TTC28: variants seen among roughly 807,000 people sequenced by gnomAD.
TTC28 encodes the protein tetratricopeptide repeat protein 28.
Under a neutral mutation model 198.0 loss-of-function variants are expected in TTC28, and 61 were observed. That is an observed-to-expected ratio of 0.31 (90% CI 0.25 to 0.38). TTC28 has a LOEUF of 0.38. Ranked by LOEUF, TTC28 falls within the 10% of genes least tolerant of loss-of-function variation. The probability of loss-of-function intolerance (pLI) is 1.00; values close to 1 mark genes in which losing one functional copy is unlikely to be tolerated. For missense variants in TTC28, 2,678 were observed against 3,164.0 expected (o/e 0.85, Z 3.69); for synonymous variants, 1,171 against 1,297.8 (o/e 0.90, Z 2.10).
intron 2 of TTC28, among the ~76,000 whole-genome samples, chr22:28,438,128 T>G (rs2047551770): frequency 6.6e-6 from 1 of 152,198 alleles, no homozygotes; most frequent in Admixed American, 6.5e-5. Context: ...ACAATACTTA[T>G]TTTTAAAGTC....
At position 28,489,314 on chromosome 22, in the gene TTC28, A is replaced by C. The variant is rs540962344; in HGVS notation, c.381+140238T>G. 4.1e-3 allele frequency among the ~76,000 whole-genome samples: 617 copies of C among 151,794 alleles called. 4 individuals carry two copies. The highest frequency in any genetic ancestry group is 0.014 in the Middle Eastern group (4 of 294). On this transcript the variant is annotated intron_variant, in intron 2 of 22. Transcript: ENST00000397906. ...AACAAATTAAAAATTAAAAAAAAAA[A>C]ACACACACATTACTCTGCCTCCATA...
At chr22:27,992,773 CAGA>C in intron 18 of TTC28, 110 bp from the exon 19 acceptor site, 4 of 1,013,170 alleles carry the variant, frequency 3.9e-6, no homozygotes, top group Non-Finnish European at 5.8e-6. Context: ...TGGCATTTTT[CAGA>C]AGCTCAGCAC....
intron 5 of TTC28, among the ~76,000 whole-genome samples, chr22:28,178,478 CGGGGGAGGGGA>C (rs1923388378): frequency 1.3e-5 from 2 of 149,334 alleles, no homozygotes; most frequent in Admixed American, 6.7e-5. Context: ...GGGAGAGGAA[CGGGGGAGGGGA>C]GGGGGAGGTA....
intron 6 of TTC28, among the ~76,000 whole-genome samples, chr22:28,154,321 ATTTTT>A (rs10537660): frequency 7.1e-4 from 97 of 137,394 alleles, no homozygotes; most frequent in African/African-American, 2.4e-3. Context: ...AAAGATGGCC[ATTTTT>A]TTTTTTTTCT....
rs549412853 is a variant in TTC28 at position 28,200,575 on chromosome 22, T to C, written c.934-36976A>G. ...TCCTAGCTACAGAGATCAACCACCA[T>C]AGTTGGGAAAGAAAAGTTTAGAACT... On this transcript the variant is annotated intron_variant, in intron 5 of 22. Transcript: ENST00000397906. Among the ~76,000 whole-genome samples the C allele has an allele frequency of 3.9e-5, 6 of 151,940 alleles. No individual in the cohort carries two copies. In the South Asian group the frequency reaches 8.3e-4, roughly 21 times the overall value.
intron 2 of TTC28, among the ~76,000 whole-genome samples, chr22:28,450,282 A>G (rs1338019294): frequency 6.6e-6 from 1 of 152,168 alleles, no homozygotes; most frequent in East Asian, 1.9e-4. Flanking sequence ...GTCTTGAGCA[A>G]TACCATACTT....
At chr22:28,386,109 T>C (rs1254405150) in intron 2 of TTC28, among the ~76,000 whole-genome samples, 1 of 150,534 alleles carries the variant, frequency 6.6e-6, no homozygotes. Context: ...ACCCCGTCTC[T>C]ACTAAAACTA....
chr22:28,389,758 G>C (rs901966779), intron 2 of TTC28, among the ~76,000 whole-genome samples: 4 of 148,484 alleles, frequency 2.7e-5, no homozygotes, highest in African/African-American at 9.8e-5. Context: ...TCTTGCTAGT[G>C]GTCTATCAAT....
At chr22:28,162,133 G>A (rs768873855) in intron 6 of TTC28, among the ~76,000 whole-genome samples, 8 of 152,092 alleles carry the variant, frequency 5.3e-5, no homozygotes, top group Non-Finnish European at 1.2e-4. Flanking sequence ...TGAATACAGG[G>A]ATAAGATAAT....
intron 12 of TTC28, among the ~76,000 whole-genome samples, chr22:28,058,300 T>A (rs1940374804): frequency 6.6e-6 from 1 of 152,122 alleles, no homozygotes; most frequent in South Asian, 2.1e-4. Context: ...CTGCTAAGCC[T>A]TGGGCATTTC....
chr22:28,298,356 T>C (rs1421319345), intron 3 of TTC28, among the ~76,000 whole-genome samples: 1 of 152,226 alleles, frequency 6.6e-6, no homozygotes, highest in East Asian at 1.9e-4. Flanking sequence ...AAGACTGCTA[T>C]AGGACTACTG....
Position 28,297,624 on chromosome 22 carries a change from C to A in TTC28, c.758G>T (p.Ser253Ile). The change falls in exon 4 of 23, where the codon AGC (serine) becomes ATC (isoleucine). Residue 253 changes from serine to isoleucine, a missense_variant. Physicochemically the swap from Ser to Ile is moderately radical, Grantham distance 142 (BLOSUM62 -2). Transcript: ENST00000397906. ...CAAGTCCTGCTGCATATATCCGGTG[C>A]TCTTCTCTGTATTTCCAAGAGACCA... ...AYWSLGNTEK[S>I]TGYMQQDLDV... 1 of 1,551,716 alleles carries A rather than the reference C, an allele frequency of 6.4e-7. No homozygotes were observed. The highest frequency in any genetic ancestry group is 8.7e-7 in the Non-Finnish European group (1 of 1,146,988).
At chr22:28,389,452 G>A (rs1448968300) in intron 2 of TTC28, among the ~76,000 whole-genome samples, 1 of 150,736 alleles carries the variant, frequency 6.6e-6, no homozygotes, top group Non-Finnish European at 1.5e-5. Flanking sequence ...GTAGAATTCG[G>A]CAGTGAATCC....
At chr22:28,525,292 A>G (rs2048985588) in intron 2 of TTC28, among the ~76,000 whole-genome samples, 1 of 152,086 alleles carries the variant, frequency 6.6e-6, no homozygotes. Flanking sequence ...AGCTAGGACC[A>G]CAGGTGCACA....
intron 6 of TTC28, among the ~76,000 whole-genome samples, chr22:28,157,845 G>C (rs772956862): frequency 2.6e-5 from 4 of 152,104 alleles, no homozygotes; most frequent in Non-Finnish European, 5.9e-5. Context: ...CTTTCCTCTA[G>C]TATCTGGAAC....
chr22:28,314,503 T>C lies in TTC28; in HGVS notation c.382-7860A>G, dbSNP rs553135296. 3.3e-5 allele frequency among the ~76,000 whole-genome samples: 5 copies of C among 152,272 alleles called. No homozygotes were observed. In the East Asian group the frequency reaches 5.8e-4, roughly 18 times the overall value. ...AGTAACCAAAACAGCATGGTACTGG[T>C]ACCAAAACAGATATATAGACCAATG... On this transcript the variant is annotated intron_variant, in intron 2 of 22. Transcript: ENST00000397906.
chr22:28,029,901 T>C (rs1939002820), intron 13 of TTC28, among the ~76,000 whole-genome samples: 1 of 152,234 alleles, frequency 6.6e-6, no homozygotes, highest in African/African-American at 2.4e-5. Context: ...GTATGTGAAG[T>C]TGCTCTGGCT....
At chr22:28,544,111 C>G (rs1294297013) in intron 2 of TTC28, among the ~76,000 whole-genome samples, 1 of 152,168 alleles carries the variant, frequency 6.6e-6, no homozygotes, top group African/African-American at 2.4e-5. Context: ...ATCCCAGCTG[C>G]TCGGGAGGCT....
chr22:28,144,460 CA>C (rs1203567762), intron 6 of TTC28, among the ~76,000 whole-genome samples: 1 of 152,210 alleles, frequency 6.6e-6, no homozygotes, highest in African/African-American at 2.4e-5. Flanking sequence ...TTTACCATTA[CA>C]AAACAACTGG....
Sources: allele counts gnomAD v4.1 joint callset (sites outside exome capture counted in the v4.1 genomes callset), GRCh38; gene constraint gnomAD v4.1.1; transcripts MANE v1.5; gene names NCBI Gene and HGNC (gene_info 2026-07-23, HGNC 2026-07-21).